MAGI2: variants seen among roughly 807,000 people sequenced by gnomAD.
MAGI2 encodes the protein membrane associated guanylate kinase, WW and PDZ domain containing 2.
In MAGI2, 35 loss-of-function variants were observed where a neutral mutation model predicts 133.3. The observed-to-expected ratio is 0.26, with a 90% confidence interval of 0.20 to 0.35. The LOEUF is 0.35. Ranked by LOEUF, MAGI2 falls within the 10% of genes least tolerant of loss-of-function variation. The pLI is 1.00. For synonymous variants in MAGI2, 729 were observed against 710.6 expected (o/e 1.03, Z -0.41); for missense variants, 1,636 against 1,863.4 (o/e 0.88, Z 2.25).
rs1793412125 is a variant in MAGI2, at chr7:78,489,688, G to A, written c.1045+73C>T. ...CAGCTAGATTATTGCCTCTTCAGGT[G>A]AGACTCTCATTTAAGAAACACAAAC... is the stretch of plus-strand genomic sequence containing the variant. On this transcript the variant is annotated intron_variant, in intron 6 of 21. Transcript: ENST00000354212. The A allele has an allele frequency of 8.5e-5, 93 of 1,094,974 alleles. No individual in the cohort carries two copies. The South Asian group carries it at 1.2e-3, about 14-fold the overall frequency. The allele number at this position is 1,094,974 out of a possible 1,614,324, so 67.8% of individuals were successfully genotyped here. A position where few individuals can be genotyped will look rare whatever the true frequency, so the allele number is the denominator to read the frequency against.
chr7:78,739,301 T>C (rs1403384938), intron 2 of MAGI2, among the ~76,000 whole-genome samples: 1 of 152,094 alleles, frequency 6.6e-6, no homozygotes, highest in East Asian at 1.9e-4. Context: ...AACTTGAATA[T>C]AGGAATGCAG....
At chr7:79,301,665 C>T (rs1331641121) in intron 1 of MAGI2, among the ~76,000 whole-genome samples, 1 of 152,086 alleles carries the variant, frequency 6.6e-6, no homozygotes, top group Non-Finnish European at 1.5e-5. Flanking sequence ...CTTTGAGGAG[C>T]TATTGGGAGG....
intron 1 of MAGI2, among the ~76,000 whole-genome samples, chr7:79,168,310 C>T (rs1302401347): frequency 6.6e-6 from 1 of 151,982 alleles, no homozygotes; most frequent in African/African-American, 2.4e-5. Context: ...TCTTTGCGAC[C>T]TTGCCATTTG....
chr7:78,244,384 T>C (rs1791536844), intron 10 of MAGI2, among the ~76,000 whole-genome samples: 1 of 151,866 alleles, frequency 6.6e-6, no homozygotes, highest in Non-Finnish European at 1.5e-5. Context: ...TTAATTACTA[T>C]GGAAGAAATT....
chr7:78,897,373 G>T (rs1046800279), intron 2 of MAGI2, among the ~76,000 whole-genome samples: 22 of 152,120 alleles, frequency 1.4e-4, no homozygotes, highest in African/African-American at 4.8e-4. Flanking sequence ...TTCTTAGAAG[G>T]TTTCTTACCC....
In MAGI2 at chr7:78,131,623, C is replaced by A. The variant is rs186113167; in HGVS notation, c.3203+1266G>T. Among the ~76,000 whole-genome samples, 7 of 152,258 alleles carry A rather than the reference C, an allele frequency of 4.6e-5. No homozygotes were observed. In the South Asian group the frequency reaches 1.5e-3, roughly 32 times the overall value. ...TCTGTTTTTGTTTGTTTGTTTCCCA[C>A]GGAAAGCGAGAAAGCATCATGGGAA... On this transcript the variant is annotated intron_variant, in intron 18 of 21. Transcript: ENST00000354212.
chr7:79,257,582 A>C (rs1416113241), intron 1 of MAGI2, among the ~76,000 whole-genome samples: 1 of 152,188 alleles, frequency 6.6e-6, no homozygotes, highest in Non-Finnish European at 1.5e-5. Flanking sequence ...ATCATCACAG[A>C]TGTCTTTACA....
intron 15 of MAGI2, among the ~76,000 whole-genome samples, chr7:78,161,000 A>C (rs1365107151): frequency 6.6e-6 from 1 of 152,242 alleles, no homozygotes; most frequent in East Asian, 1.9e-4. Context: ...GTGGCTTAAA[A>C]GAATAAATAA....
In MAGI2 at chr7:78,053,430, T is replaced by G. The variant is rs78014115; in HGVS notation, c.3706+25517A>C. Among the ~76,000 whole-genome samples, 180 of 152,246 alleles carry G rather than the reference T, an allele frequency of 1.2e-3. 1 individual carries two copies. The East Asian group carries it at 0.021, about 18-fold the overall frequency. ...GGCCGTTCTCTGTCCCTCCTTCCCCTCTCCTTGTCAGATTGGCCCCAAGGG... is the reference window on the plus strand; with the variant it reads ...GGCCGTTCTCTGTCCCTCCTTCCCCGCTCCTTGTCAGATTGGCCCCAAGGG... On this transcript the variant is annotated intron_variant, in intron 21 of 21. Transcript: ENST00000354212.
chr7:78,127,135 C>T, intron 19 of MAGI2, 62 bp downstream of exon 19: 1 of 1,291,910 alleles, frequency 7.7e-7, no homozygotes, highest in East Asian at 2.4e-5. Flanking sequence ...TCTCCTATTT[C>T]ATTCCTTGCA....
intron 2 of MAGI2, among the ~76,000 whole-genome samples, chr7:78,681,062 T>C (rs1231151332): frequency 6.6e-6 from 1 of 152,154 alleles, no homozygotes; most frequent in Non-Finnish European, 1.5e-5. Flanking sequence ...ATCCTGCTCA[T>C]TGCAGGACAT....
intron 4 of MAGI2, among the ~76,000 whole-genome samples, chr7:78,520,282 T>C (rs560777127): frequency 6.6e-6 from 1 of 152,168 alleles, no homozygotes; most frequent in Admixed American, 6.5e-5. Flanking sequence ...AACACCTTTA[T>C]AGGCATTTTG....
chr7:78,603,307 C>T (rs924794386), intron 3 of MAGI2, among the ~76,000 whole-genome samples: 11 of 152,094 alleles, frequency 7.2e-5, no homozygotes, highest in Admixed American at 2.6e-4. Context: ...AGGAGATGTC[C>T]TAATACAGGT....
intron 6 of MAGI2, among the ~76,000 whole-genome samples, chr7:78,449,076 C>A (rs1163690404): frequency 6.6e-6 from 1 of 151,974 alleles, no homozygotes; most frequent in Admixed American, 6.6e-5. Context: ...ATCTCTCAAC[C>A]CTTTGTTCAG....
At chr7:79,035,855 T>C (rs2116856527) in intron 1 of MAGI2, among the ~76,000 whole-genome samples, 1 of 152,308 alleles carries the variant, frequency 6.6e-6, no homozygotes, top group Admixed American at 6.5e-5. Flanking sequence ...ATCCTGTAAA[T>C]TGAGAAAGTA....
At chr7:78,576,751 G>T (rs1289840915) in intron 3 of MAGI2, among the ~76,000 whole-genome samples, 1 of 152,102 alleles carries the variant, frequency 6.6e-6, no homozygotes, top group Non-Finnish European at 1.5e-5. Flanking sequence ...TAAAAGTACA[G>T]TTTTTCCTGG....
At chr7:79,380,028 T>C (rs1843671829) in intron 1 of MAGI2, among the ~76,000 whole-genome samples, 1 of 151,658 alleles carries the variant, frequency 6.6e-6, no homozygotes. Context: ...ATGTTAGACC[T>C]AAAACCATAA....
In MAGI2 at chr7:79,190,226, C is replaced by T. The variant is rs1042463660; in HGVS notation, c.302-183020G>A. ...CAAATTATCTTTCCAACTGGTTTTA[C>T]CATTTTTTATTCCCACCACAGTGGA... On this transcript the variant is annotated intron_variant, in intron 1 of 21. Coordinates refer to ENST00000354212, the MANE Select transcript of MAGI2 (RefSeq NM_012301.4). 2.2e-4 allele frequency among the ~76,000 whole-genome samples: 34 copies of T among 151,800 alleles called. 1 individual carries two copies. Among genetic ancestry groups the T allele is most frequent in the African/African-American group, 8.2e-4 (34 of 41,282 alleles).
intron 6 of MAGI2, among the ~76,000 whole-genome samples, chr7:78,423,554 C>T (rs748591734): frequency 1.3e-5 from 2 of 152,096 alleles, no homozygotes; most frequent in African/African-American, 4.8e-5. Flanking sequence ...GAGGTTGGAA[C>T]AGTTTGGAGG....
Sources: allele counts gnomAD v4.1 joint callset (sites outside exome capture counted in the v4.1 genomes callset), GRCh38; gene constraint gnomAD v4.1.1; transcripts MANE v1.5; gene names NCBI Gene and HGNC (gene_info 2026-07-23, HGNC 2026-07-21).